The following RAD54B variants were observed in gnomAD, a reference collection of about 807,000 sequenced individuals.
The protein encoded by RAD54B is DNA repair and recombination protein RAD54B.
A neutral mutation model predicts 95.8 loss-of-function variants in RAD54B; 78 were observed. That is an observed-to-expected ratio of 0.81 (90% CI 0.68 to 0.98). The LOEUF is 0.98. Ranked by LOEUF, RAD54B falls within the 50% of genes least tolerant of loss-of-function variation. The pLI, the probability that RAD54B is intolerant of heterozygous loss-of-function variation, is 0.00. For missense variants in RAD54B, 957 were observed against 1,056.6 expected (o/e 0.91, Z 1.31); for synonymous variants, 328 against 354.9 (o/e 0.92, Z 0.85).
chr8:94,431,174 T>C (rs1290288915), intron 3 of RAD54B: 1 of 913,400 alleles, frequency 1.1e-6, no homozygotes, highest in Non-Finnish European at 1.3e-6. Flanking sequence ...TTTCCATGAA[T>C]ACTAAAATAA....
intron 3 of RAD54B, chr8:94,431,077 C>T: frequency 2.0e-6 from 2 of 985,088 alleles, no homozygotes; most frequent in Non-Finnish European, 2.4e-6. Context: ...TCAACAAAAC[C>T]CCAGCAAAAA....
chr8:94,454,594 G>GT (rs1177683064), intron 3 of RAD54B, among the ~76,000 whole-genome samples: 2 of 87,352 alleles, frequency 2.3e-5, no homozygotes, highest in Non-Finnish European at 6.0e-5. Flanking sequence ...CATCTTTTGT[G>GT]TTTAACAAGC....
chr8:94,397,671 G>C (rs1265284437), intron 8 of RAD54B, among the ~76,000 whole-genome samples: 1 of 152,000 alleles, frequency 6.6e-6, no homozygotes, highest in Non-Finnish European at 1.5e-5. Context: ...GTGAGGAAGG[G>C]AACTACTTTT....
chr8:94,401,468 G>C (rs1314238244), intron 6 of RAD54B, among the ~76,000 whole-genome samples: 3 of 151,686 alleles, frequency 2.0e-5, no homozygotes, highest in Admixed American at 1.3e-4. Context: ...CTTTTTTCTG[G>C]CTTTCTTGTA....
intron 3 of RAD54B, among the ~76,000 whole-genome samples, chr8:94,413,165 A>T (rs1040011032): frequency 2.0e-5 from 3 of 152,230 alleles, no homozygotes; most frequent in African/African-American, 7.2e-5. Context: ...ATTTAACACA[A>T]TACCAATCAA....
rs1041009245 is a variant in RAD54B, at chr8:94,411,294, A to T, written c.326T>A (p.Val109Glu). Reference protein sequence around the residue: ...PHTVHSAPKEVAVSKEQEEKS... With the variant: ...PHTVHSAPKEEAVSKEQEEKS... The stretch of plus-strand genomic sequence containing the variant: ...CTCTTCTTGTTCCTTGGACACTGCT[A>T]CTTCTTTAGGAGCCGAATGAACTAC... The change falls in exon 4 of 15, where the codon GTA (valine) becomes GAA (glutamate). Residue 109 changes from valine to glutamate, a missense_variant. Coordinates refer to ENST00000336148, the MANE Select transcript of RAD54B (RefSeq NM_012415.3). 4 of 1,579,910 alleles carry T rather than the reference A, an allele frequency of 2.5e-6. No individual in the cohort carries two copies. Among genetic ancestry groups the T allele is most frequent in the Non-Finnish European group, 3.4e-6 (4 of 1,171,206 alleles).
chr8:94,431,484 C>A lies in RAD54B; in HGVS notation c.305-20169G>T, dbSNP rs904461054. Reference sequence around the variant, plus strand: ...TAGAGAATGTTTTAGTGGATATTTACTTCTATCGAATAGCGGGATGGAAAT... The same window carrying A: ...TAGAGAATGTTTTAGTGGATATTTAATTCTATCGAATAGCGGGATGGAAAT... On this transcript the variant is annotated intron_variant, in intron 3 of 14. Transcript: ENST00000336148. The A allele has an allele frequency of 6.1e-6, 6 of 981,828 alleles. No individual in the cohort carries two copies. In the African/African-American group the frequency reaches 1.1e-4, roughly 17 times the overall value. 60.8% of individuals were successfully genotyped at this position (981,828 alleles called of 1,614,324 possible).
intron 3 of RAD54B, among the ~76,000 whole-genome samples, chr8:94,418,131 T>C (rs934948529): frequency 6.6e-6 from 1 of 152,220 alleles, no homozygotes; most frequent in African/African-American, 2.4e-5. Context: ...CCAGTAGATG[T>C]AGTGGATAGT....
intron 3 of RAD54B, chr8:94,436,577 A>C (rs1286939187): frequency 6.4e-7 from 1 of 1,550,530 alleles, no homozygotes; most frequent in East Asian, 2.4e-5. Context: ...GTTGGCTCAG[A>C]AATATTGCTT....
chr8:94,457,390 T>C (rs1373411403), intron 3 of RAD54B, among the ~76,000 whole-genome samples: 1 of 152,176 alleles, frequency 6.6e-6, no homozygotes, highest in Non-Finnish European at 1.5e-5. Context: ...TCACAGCTTT[T>C]GAAAAGTTAT....
chr8:94,393,720 C>A, intron 9 of RAD54B, 23 bp downstream of exon 9: 1 of 1,527,954 alleles, frequency 6.5e-7, no homozygotes, highest in Non-Finnish European at 8.9e-7. Context: ...TTTTAAAAAC[C>A]TATTTATTAG....
intron 2 of RAD54B, among the ~76,000 whole-genome samples, chr8:94,459,132 T>C (rs1402337935): frequency 6.6e-6 from 1 of 152,042 alleles, no homozygotes; most frequent in Non-Finnish European, 1.5e-5. Flanking sequence ...TCTCACTATG[T>C]TGGGTTTTTT....
chr8:94,380,831 T>C (rs763070534), intron 11 of RAD54B, among the ~76,000 whole-genome samples: 1 of 152,190 alleles, frequency 6.6e-6, no homozygotes, highest in African/African-American at 2.4e-5. Context: ...CCACAGAATC[T>C]TGCTAAGGTA....
intron 3 of RAD54B, among the ~76,000 whole-genome samples, chr8:94,440,193 G>T: frequency 7.4e-6 from 1 of 134,712 alleles, no homozygotes. Flanking sequence ...TAGGAATTTA[G>T]GCAAGATTAA....
At chr8:94,394,171 T>C (rs952248143) in intron 8 of RAD54B, among the ~76,000 whole-genome samples, 1 of 152,194 alleles carries the variant, frequency 6.6e-6, no homozygotes, top group African/African-American at 2.4e-5. Context: ...GTTCAAATCC[T>C]ACCTGCATCA....
At chr8:94,441,433 C>T (rs569469615) in intron 3 of RAD54B, among the ~76,000 whole-genome samples, 4 of 152,194 alleles carry the variant, frequency 2.6e-5, no homozygotes, top group South Asian at 4.1e-4. Flanking sequence ...TCCAGAAACA[C>T]GCTTACCAGT....
chr8:94,450,998 C>T (rs1016317927), intron 3 of RAD54B, among the ~76,000 whole-genome samples: 1 of 151,986 alleles, frequency 6.6e-6, no homozygotes, highest in Non-Finnish European at 1.5e-5. Flanking sequence ...TTGGTATGAG[C>T]TGATGGTTTT....
chr8:94,380,077 T>C, intron 12 of RAD54B, 68 bp downstream of exon 12: 2 of 1,465,554 alleles, frequency 1.4e-6, no homozygotes, highest in Non-Finnish European at 1.8e-6. Context: ...TCATTATCTT[T>C]GTATCCTCAA....
At chr8:94,437,253 G>C (rs1298451027) in intron 3 of RAD54B, among the ~76,000 whole-genome samples, 1 of 152,200 alleles carries the variant, frequency 6.6e-6, no homozygotes, top group Non-Finnish European at 1.5e-5. Flanking sequence ...CTGACAGACT[G>C]AACTGCATTG....
Sources: allele counts gnomAD v4.1 joint callset (sites outside exome capture counted in the v4.1 genomes callset), GRCh38; gene constraint gnomAD v4.1.1; transcripts MANE v1.5; gene names NCBI Gene and HGNC (gene_info 2026-07-23, HGNC 2026-07-21).